The following FMN1 variants were observed in gnomAD, a reference collection of about 807,000 sequenced individuals.
FMN1 encodes formin 1, also known as formin-1.
Under a neutral mutation model 132.4 loss-of-function variants are expected in FMN1, and 110 were observed. The observed-to-expected ratio is 0.83, with a 90% CI of 0.71 to 0.97. FMN1 has a LOEUF of 0.97. Ranked by LOEUF, FMN1 falls within the 50% of genes least tolerant of loss-of-function variation. FMN1 has a pLI of 0.00. For synonymous variants in FMN1, 722 were observed against 651.7 expected (o/e 1.11, Z -1.64); for missense variants, 1,792 against 1,705.3 (o/e 1.05, Z -0.90).
At chr15:33,034,809 C>A (rs1445350261) in intron 6 of FMN1, among the ~76,000 whole-genome samples, 1 of 152,154 alleles carries the variant, frequency 6.6e-6, no homozygotes, top group Non-Finnish European at 1.5e-5. Context: ...CCTCCACACC[C>A]CCTGTGCCCT....
At chr15:32,811,705 C>T (rs1182590538) in intron 17 of FMN1, among the ~76,000 whole-genome samples, 1 of 151,292 alleles carries the variant, frequency 6.6e-6, no homozygotes, top group Non-Finnish European at 1.5e-5. Context: ...CGCTCTGTCA[C>T]TCAGGCTGGA....
intron 4 of FMN1, among the ~76,000 whole-genome samples, chr15:33,125,247 C>T (rs147808204): frequency 1.3e-3 from 200 of 152,268 alleles, no homozygotes; most frequent in African/African-American, 4.2e-3. Context: ...GAGGAAATAA[C>T]CTCTCTCAAA....
intron 4 of FMN1, among the ~76,000 whole-genome samples, chr15:33,143,275 A>G (rs1964080753): frequency 6.6e-6 from 1 of 152,232 alleles, no homozygotes; most frequent in South Asian, 2.1e-4. Context: ...AGCATCTAAC[A>G]TTGATAATAA....
At chr15:32,818,711 A>G (rs1313892977) in intron 17 of FMN1, among the ~76,000 whole-genome samples, 1 of 152,184 alleles carries the variant, frequency 6.6e-6, no homozygotes, top group Non-Finnish European at 1.5e-5. Flanking sequence ...AATGCAAAAA[A>G]TATTGAGGAT....
At chr15:32,859,602 C>T (rs969588040) in intron 16 of FMN1, among the ~76,000 whole-genome samples, 4 of 152,274 alleles carry the variant, frequency 2.6e-5, no homozygotes, top group Non-Finnish European at 5.9e-5. Flanking sequence ...TATCTATCAC[C>T]GTCTGCACAG....
At chr15:33,063,144 T>G (rs1302705245) in intron 6 of FMN1, 1 of 152,298 alleles carries the variant, frequency 6.6e-6, no homozygotes, top group Non-Finnish European at 1.5e-5. Flanking sequence ...TACGTGCTTC[T>G]CCAGGTCTGT....
intron 12 of FMN1, among the ~76,000 whole-genome samples, chr15:32,902,488 TA>T (rs5811717): frequency 0.46 from 69,817 of 151,888 alleles, 17,578 homozygotes; most frequent in African/African-American, 0.68. Flanking sequence ...ACAAGTGATT[TA>T]AAAAAAAATC....
chr15:32,940,677 T>C (rs1458108583), intron 9 of FMN1, among the ~76,000 whole-genome samples: 5 of 152,162 alleles, frequency 3.3e-5, no homozygotes, highest in Non-Finnish European at 5.9e-5. Context: ...TGCCTTTTTT[T>C]CCGAAACAAA....
intron 7 of FMN1, among the ~76,000 whole-genome samples, chr15:32,981,144 T>G (rs2032621672): frequency 6.6e-6 from 1 of 152,196 alleles, no homozygotes; most frequent in Non-Finnish European, 1.5e-5. Context: ...TTTGTAACTA[T>G]TTTGTAAAAT....
chr15:32,923,121 T>C (rs754321260), intron 10 of FMN1, among the ~76,000 whole-genome samples: 3 of 152,220 alleles, frequency 2.0e-5, no homozygotes, highest in Non-Finnish European at 4.4e-5. Context: ...TAAAGGTGAA[T>C]ATACGACCAC....
intron 6 of FMN1, among the ~76,000 whole-genome samples, chr15:33,024,611 A>T (rs976594468): frequency 6.6e-6 from 1 of 152,224 alleles, no homozygotes; most frequent in Non-Finnish European, 1.5e-5. Flanking sequence ...AGAATTCCAC[A>T]CATTGTTGAT....
intron 8 of FMN1, among the ~76,000 whole-genome samples, chr15:32,964,837 C>G (rs2031038184): frequency 6.6e-6 from 1 of 152,138 alleles, no homozygotes; most frequent in Admixed American, 6.5e-5. Context: ...GTATCTCAGT[C>G]CCCTAAACAA....
chr15:33,074,520 A>G (rs2141291357), intron 5 of FMN1, among the ~76,000 whole-genome samples: 1 of 152,346 alleles, frequency 6.6e-6, no homozygotes, highest in South Asian at 2.1e-4. Flanking sequence ...GAAAAGTCTT[A>G]AGAGTAAAAT....
In FMN1 at chr15:32,900,034, T is replaced by C; in HGVS notation, c.3599A>G (p.Gln1200Arg). 1 of 1,614,004 alleles carries C rather than the reference T, an allele frequency of 6.2e-7. No individual in the cohort carries two copies. The highest frequency in any genetic ancestry group is 8.5e-7 in the Non-Finnish European group (1 of 1,179,866). The change falls in exon 14 of 21, where the codon CAA becomes CGA. Residue 1200 changes from glutamine to arginine, a missense_variant. This residue lies in a region of FMN1 where 1,150 missense variants were observed against 1,043.1 expected (regional missense o/e 1.10). Coordinates refer to ENST00000616417, the MANE Select transcript of FMN1 (RefSeq NM_001277313.2). ...AATTTCTAAGCTATATCCATCGGCT[T>C]GTCCCCGAGTCCTATTTCCTCCATT... is the stretch of plus-strand genomic sequence containing the variant. The part of the protein sequence containing the change: ...YMNGGNRTRG[Q>R]ADGYSLEILP...
chr15:32,792,156 G>T (rs2057104185), intron 19 of FMN1, among the ~76,000 whole-genome samples: 1 of 151,754 alleles, frequency 6.6e-6, no homozygotes, highest in Admixed American at 6.6e-5. Context: ...TCGAGATGGA[G>T]GAAACTACCA....
chr15:32,795,052 T>C (rs1007987335), intron 19 of FMN1, among the ~76,000 whole-genome samples: 3 of 151,784 alleles, frequency 2.0e-5, no homozygotes, highest in African/African-American at 7.3e-5. Flanking sequence ...AAAATAAAAT[T>C]AGCTAGGTAT....
At chr15:32,786,936 T>C (rs2056899036) in intron 19 of FMN1, among the ~76,000 whole-genome samples, 1 of 152,154 alleles carries the variant, frequency 6.6e-6, no homozygotes, top group Admixed American at 6.5e-5. Flanking sequence ...AGAGCGAAAT[T>C]GTTTCTCCAG....
intron 9 of FMN1, among the ~76,000 whole-genome samples, chr15:32,955,295 G>A (rs1053678774): frequency 6.6e-6 from 1 of 152,216 alleles, no homozygotes; most frequent in Non-Finnish European, 1.5e-5. Context: ...GCATGTGCCT[G>A]TGAGGGCATG....
chr15:33,085,560 T>C (rs2038656637), intron 5 of FMN1, among the ~76,000 whole-genome samples: 1 of 149,298 alleles, frequency 6.7e-6, no homozygotes, highest in South Asian at 2.1e-4. Flanking sequence ...ATTATACATA[T>C]ATACATATGC....
Sources: gnomAD v4.1 joint callset for allele counts (sites outside exome capture counted in the v4.1 genomes callset) on GRCh38, gnomAD v4.1.1 for gene constraint, gnomAD v4.1.1 regional missense constraint, MANE v1.5 for transcripts, NCBI Gene and HGNC (gene_info 2026-07-23, HGNC 2026-07-21) for gene names.